CDH19: variants seen among roughly 807,000 people sequenced by gnomAD.
CDH19 encodes cadherin-19.
In CDH19, 67 loss-of-function variants were observed where a neutral mutation model predicts 64.2. The observed-to-expected ratio is 1.04, with a 90% CI of 0.86 to 1.28. The LOEUF (loss-of-function observed/expected upper bound fraction) is 1.28, where lower values mean the gene tolerates loss of function less well. Ranked by LOEUF, CDH19 falls within the 50% of genes most tolerant of loss-of-function variation. The pLI is 0.00. For missense variants in CDH19, 1,030 were observed against 929.0 expected (o/e 1.11, Z -1.41); for synonymous variants, 346 against 319.3 (o/e 1.08, Z -0.89).
chr18:66,557,181 C>G (rs1301876073), intron 3 of CDH19, among the ~76,000 whole-genome samples: 1 of 151,828 alleles, frequency 6.6e-6, no homozygotes, highest in Non-Finnish European at 1.5e-5. Context: ...TCTTGATTTC[C>G]CTTTGTATCT....
Position 66,503,853 on chromosome 18 carries a change from T to C in CDH19, c.*959A>G, listed in dbSNP as rs894741588. The C allele has an allele frequency of 1.3e-5, 2 of 151,974 alleles. No individual in the cohort carries two copies. The highest frequency in any genetic ancestry group is 4.8e-5 in the African/African-American group (2 of 41,456). The allele number at this position is 151,974 out of a possible 1,614,324, so 9.4% of individuals were successfully genotyped here. ...TAAAATATCAAACTAGAATGAATCA[T>C]GGCATCTTAGTCAGAAATCTGCTTT... is the stretch of plus-strand genomic sequence containing the variant. On this transcript the variant is annotated 3_prime_UTR_variant, in exon 12 of 12. Transcript: ENST00000262150.
rs986507490 is a variant in CDH19 at position 66,604,021 on chromosome 18, G to A, written c.-180C>T. 6.6e-6 allele frequency: 1 copy of A among 152,006 alleles called. No individual in the cohort carries two copies. Among genetic ancestry groups the A allele is most frequent in the Non-Finnish European group, 1.5e-5 (1 of 68,006 alleles). 9.4% of individuals were successfully genotyped at this position (152,006 alleles called of 1,614,324 possible). On this transcript the variant is annotated 5_prime_UTR_variant, in exon 1 of 12. Coordinates refer to ENST00000262150, the MANE Select transcript of CDH19 (RefSeq NM_021153.4). ...GCAAACTTCGTGTTGGACACATAAG[G>A]AAGAGTAGGAAAAACTTTCTTCTTT...
intron 9 of CDH19, among the ~76,000 whole-genome samples, chr18:66,523,334 A>C (rs1442925392): frequency 1.3e-5 from 2 of 152,140 alleles, no homozygotes; most frequent in African/African-American, 4.8e-5. Context: ...AGAACTCTAA[A>C]GGGTATCCTG....
At chr18:66,511,298 C>T (rs17076395) in intron 10 of CDH19, among the ~76,000 whole-genome samples, 34,911 of 151,350 alleles carry the variant, frequency 0.23, 4,449 homozygotes, top group East Asian at 0.46. Context: ...CAATTATATT[C>T]GCAGGGTCAT....
intron 3 of CDH19, among the ~76,000 whole-genome samples, chr18:66,560,522 T>C (rs1484438218): frequency 4.6e-5 from 7 of 151,650 alleles, no homozygotes; most frequent in Non-Finnish European, 8.8e-5. Context: ...ACAATAAAAC[T>C]TTCAGAAAAA....
chr18:66,598,872 A>AAT, intron 1 of CDH19, among the ~76,000 whole-genome samples: 1 of 152,172 alleles, frequency 6.6e-6, no homozygotes, highest in Non-Finnish European at 1.5e-5. Flanking sequence ...ATAATAAAAT[A>AAT]TAGAATACTA....
intron 1 of CDH19, among the ~76,000 whole-genome samples, chr18:66,595,330 T>C (rs1402828805): frequency 1.3e-5 from 2 of 150,672 alleles, no homozygotes; most frequent in Non-Finnish European, 3.0e-5. Flanking sequence ...ACATAAAAAA[T>C]AGCTAGCTGA....
In CDH19 at chr18:66,568,553, TG is replaced by T; in HGVS notation, c.352del (p.Gln118ArgfsTer2). The T allele has an allele frequency of 1.2e-6, 2 of 1,612,406 alleles. No homozygotes were observed. Among genetic ancestry groups the T allele is most frequent in the South Asian group, 2.2e-5 (2 of 91,030 alleles). On this transcript the variant is annotated frameshift_variant, in exon 3 of 12. Coordinates refer to ENST00000262150, the MANE Select transcript of CDH19 (RefSeq NM_021153.4). LOFTEE classifies it high-confidence loss of function. ...CCTTCCAGTAGCGATGTCTATTACC[TG>T]GGCTCTTAAGATGTAGAGGGATCGC... ...EERSLYILRA[Q>X]VIDIATGRAV...
At chr18:66,521,486 C>T (rs943019885) in intron 9 of CDH19, among the ~76,000 whole-genome samples, 48 of 150,012 alleles carry the variant, frequency 3.2e-4, no homozygotes, top group Non-Finnish European at 5.6e-4. Context: ...TAATTATCTT[C>T]TCACTTATCT....
chr18:66,560,972 GAGA>G (rs1987700370), intron 3 of CDH19, among the ~76,000 whole-genome samples: 1 of 152,108 alleles, frequency 6.6e-6, no homozygotes, highest in East Asian at 1.9e-4. Flanking sequence ...ATCTTTTTTA[GAGA>G]AGATTTTAAC....
chr18:66,565,002 T>C (rs1987857421), intron 3 of CDH19, among the ~76,000 whole-genome samples: 1 of 151,810 alleles, frequency 6.6e-6, no homozygotes, highest in Non-Finnish European at 1.5e-5. Context: ...TCTCCCGAAA[T>C]CTTCTATTTA....
chr18:66,560,828 A>G (rs984721591), intron 3 of CDH19, among the ~76,000 whole-genome samples: 2 of 152,022 alleles, frequency 1.3e-5, no homozygotes, highest in African/African-American at 4.8e-5. Context: ...TTTGATGAAC[A>G]TTTTATTATG....
At chr18:66,546,443 A>G (rs988502634) in intron 5 of CDH19, among the ~76,000 whole-genome samples, 3 of 152,186 alleles carry the variant, frequency 2.0e-5, no homozygotes, top group African/African-American at 7.2e-5. Flanking sequence ...AATGTTATTG[A>G]GTTGATATTA....
intron 2 of CDH19, among the ~76,000 whole-genome samples, chr18:66,570,869 T>C (rs2144578469): frequency 6.6e-6 from 1 of 151,690 alleles, no homozygotes; most frequent in African/African-American, 2.4e-5. Context: ...CTATAACACC[T>C]TATTTACTAA....
chr18:66,591,791 G>A (rs916920941), intron 1 of CDH19, among the ~76,000 whole-genome samples: 2 of 151,704 alleles, frequency 1.3e-5, no homozygotes, highest in African/African-American at 4.8e-5. Flanking sequence ...TAAATCTTGG[G>A]GTTCTATTTT....
chr18:66,512,250 G>A (rs1006375467), intron 9 of CDH19, among the ~76,000 whole-genome samples: 1 of 151,452 alleles, frequency 6.6e-6, no homozygotes, highest in Non-Finnish European at 1.5e-5. Context: ...CATCAAATAA[G>A]TTCATCTCTA....
intron 3 of CDH19, among the ~76,000 whole-genome samples, chr18:66,567,784 T>C (rs941947529): frequency 1.3e-5 from 2 of 151,910 alleles, no homozygotes; most frequent in African/African-American, 4.8e-5. Flanking sequence ...AGAGAAGTTG[T>C]GCATAATCAC....
At chr18:66,597,187 GAACCACAC>G (rs1988922231) in intron 1 of CDH19, among the ~76,000 whole-genome samples, 1 of 62,846 alleles carries the variant, frequency 1.6e-5, no homozygotes, top group African/African-American at 3.9e-5. Flanking sequence ...AAAGCTGGAA[GAACCACAC>G]TACCTGACTT....
chr18:66,541,676 A>C (rs1986892242), intron 7 of CDH19, among the ~76,000 whole-genome samples: 2 of 152,308 alleles, frequency 1.3e-5, no homozygotes, highest in South Asian at 4.1e-4. Flanking sequence ...TATGAAAAGC[A>C]ATATTATTTA....
Sources: gnomAD v4.1 joint callset for allele counts (sites outside exome capture counted in the v4.1 genomes callset) on GRCh38, gnomAD v4.1.1 for gene constraint, MANE v1.5 for transcripts, NCBI Gene and HGNC (gene_info 2026-07-23, HGNC 2026-07-21) for gene names.